Variants in MALT1 observed in about 807,000 individuals in gnomAD.
MALT1 encodes the protein mucosa-associated lymphoid tissue lymphoma translocation protein 1.
MALT1 carries 36 observed loss-of-function variants against 85.5 expected under a neutral mutation model. The ratio of observed to expected loss-of-function variants is 0.42; its 90% CI spans 0.32 to 0.56. The LOEUF is 0.56. Among genes scored for constraint, MALT1 ranks in the 20% least tolerant of loss-of-function variants. The probability of loss-of-function intolerance (pLI) is 0.10; values close to 1 mark genes in which losing one functional copy is unlikely to be tolerated. For synonymous variants in MALT1, 359 were observed against 361.3 expected (o/e 0.99, Z 0.07); for missense variants, 716 against 981.6 (o/e 0.73, Z 3.62).
chr18:58,729,479 A>C (rs1007203139), intron 10 of MALT1, among the ~76,000 whole-genome samples: 1 of 137,316 alleles, frequency 7.3e-6, no homozygotes, highest in African/African-American at 2.6e-5. Flanking sequence ...ACAAGAGTGA[A>C]ACTCCGTCTC....
chr18:58,712,696 A>G (rs1256306550), intron 7 of MALT1, among the ~76,000 whole-genome samples: 6 of 152,174 alleles, frequency 3.9e-5, no homozygotes, highest in African/African-American at 1.2e-4. Context: ...TCCCCACACA[A>G]AGAAATAAGT....
At position 58,752,255 on chromosome 18, in the gene MALT1, G is replaced by GC. The variant is rs2055456225; in HGVS notation, c.*4414dup. 1 of 152,186 alleles carries GC rather than the reference G, an allele frequency of 6.6e-6. No homozygotes were observed. The allele number at this position is 152,186 out of a possible 1,614,324, so 9.4% of individuals were successfully genotyped here. The stretch of plus-strand genomic sequence containing the variant: ...TTCAAGTGATCCTCCTGCCTCAGCA[G>GC]CATCAGTTTAATATCTAGATAAAAT... On this transcript the variant is annotated 3_prime_UTR_variant, in exon 17 of 17. Transcript: ENST00000649217.
chr18:58,725,052 C>T (rs1158903188), intron 10 of MALT1, among the ~76,000 whole-genome samples: 1 of 151,728 alleles, frequency 6.6e-6, no homozygotes, highest in East Asian at 1.9e-4. Context: ...ATGGTTTAAA[C>T]CCGGGAGGTG....
chr18:58,712,109 T>C (rs2054839233), intron 7 of MALT1, among the ~76,000 whole-genome samples: 1 of 152,200 alleles, frequency 6.6e-6, no homozygotes, highest in South Asian at 2.1e-4. Context: ...CTATAATTTT[T>C]GCAGTAGCAA....
chr18:58,710,422 A>C (rs2054816097), intron 6 of MALT1, among the ~76,000 whole-genome samples: 2 of 152,186 alleles, frequency 1.3e-5, no homozygotes, highest in Non-Finnish European at 2.9e-5. Flanking sequence ...AGTGGCTCAC[A>C]CCTGTAATCC....
chr18:58,672,131 A>C, intron 1 of MALT1: 1 of 300,640 alleles, frequency 3.3e-6, no homozygotes, highest in Non-Finnish European at 6.1e-6. Context: ...GGTGAAAGGG[A>C]GAAGTCGAGG....
intron 13 of MALT1, among the ~76,000 whole-genome samples, chr18:58,737,305 C>G (rs2055236487): frequency 6.6e-6 from 1 of 150,794 alleles, no homozygotes; most frequent in Non-Finnish European, 1.5e-5. Flanking sequence ...CATTGTCAGA[C>G]CCCCCATCTC....
Position 58,747,976 on chromosome 18 carries a change from C to T in MALT1, c.*134C>T. On this transcript the variant is annotated 3_prime_UTR_variant, in exon 17 of 17. Coordinates refer to ENST00000649217, the MANE Select transcript of MALT1 (RefSeq NM_006785.4). ...ATAGTAGTAACTGTTTCATAGCAAACTTCAGGACTTTGAGATGTTGAAATT... is the reference window on the plus strand; with the variant it reads ...ATAGTAGTAACTGTTTCATAGCAAATTTCAGGACTTTGAGATGTTGAAATT... The T allele has an allele frequency of 6.1e-6, 4 of 655,426 alleles. No individual in the cohort carries two copies. Among genetic ancestry groups the T allele is most frequent in the East Asian group, 2.6e-5 (1 of 37,896 alleles). The allele number at this position is 655,426 out of a possible 1,614,324, so 40.6% of individuals were successfully genotyped here. A position where few individuals can be genotyped will look rare whatever the true frequency, so the allele number is the denominator to read the frequency against.
intron 9 of MALT1, among the ~76,000 whole-genome samples, chr18:58,716,777 G>A (rs1407913664): frequency 6.6e-6 from 1 of 152,136 alleles, no homozygotes; most frequent in Non-Finnish European, 1.5e-5. Flanking sequence ...TGGTAGGAGG[G>A]GAAAATGTGA....
At chr18:58,745,223 C>T (rs542505919) in intron 15 of MALT1, among the ~76,000 whole-genome samples, 13 of 152,252 alleles carry the variant, frequency 8.5e-5, no homozygotes, top group Non-Finnish European at 1.2e-4. Flanking sequence ...TTACTCTTGG[C>T]CATTGGGTTG....
chr18:58,728,520 G>A (rs1278127411), intron 10 of MALT1, among the ~76,000 whole-genome samples: 1 of 152,150 alleles, frequency 6.6e-6, no homozygotes, highest in East Asian at 1.9e-4. Flanking sequence ...TGGGAGGATA[G>A]CTTGAGCCTG....
chr18:58,678,522 C>G (rs958642751), intron 1 of MALT1, among the ~76,000 whole-genome samples: 1 of 151,972 alleles, frequency 6.6e-6, no homozygotes, highest in Non-Finnish European at 1.5e-5. Context: ...AAGGAGTTTA[C>G]TATAATCTAG....
intron 4 of MALT1, among the ~76,000 whole-genome samples, chr18:58,705,069 T>C (rs753773403): frequency 6.6e-6 from 1 of 152,162 alleles, no homozygotes; most frequent in Non-Finnish European, 1.5e-5. Context: ...TAATATTCCA[T>C]TTTATCTCCT....
At position 58,747,462 on chromosome 18, in the gene MALT1, G is replaced by A. The variant is rs2055385129; in HGVS notation, c.2095G>A (p.Val699Ile). The change falls in exon 17 of 17, where the codon GTA becomes ATA. Residue 699 changes from valine to isoleucine, a missense_variant. Val to Ile is a conservative substitution (Grantham distance 29). Transcript: ENST00000649217. ...TCAGTACTCAGGATTGGAAGATACT[G>A]TAGAGGACAAGCAGGAAGTGAATGT... ...SYQYSGLEDT[V>I]EDKQEVNVGK... 2 of 1,613,964 alleles carry A rather than the reference G, an allele frequency of 1.2e-6. No homozygotes were observed. The highest frequency in any genetic ancestry group is 2.2e-5 in the East Asian group (1 of 44,884).
At chr18:58,720,736 T>C (rs1278102630) in intron 9 of MALT1, among the ~76,000 whole-genome samples, 1 of 152,232 alleles carries the variant, frequency 6.6e-6, no homozygotes, top group Non-Finnish European at 1.5e-5. Context: ...GATTTTTTTA[T>C]TATATACTTA....
intron 4 of MALT1, among the ~76,000 whole-genome samples, chr18:58,701,474 TG>T (rs764339047): frequency 2.3e-4 from 35 of 152,212 alleles, no homozygotes; most frequent in Non-Finnish European, 4.4e-4. Context: ...GCATTGATTT[TG>T]AAATTATTTG....
At chr18:58,713,148 A>G (rs370957530) in intron 7 of MALT1, among the ~76,000 whole-genome samples, 8 of 152,206 alleles carry the variant, frequency 5.3e-5, no homozygotes, top group African/African-American at 7.2e-5. Flanking sequence ...ACCTTCTTCA[A>G]TTGATTTTAT....
At chr18:58,730,506 ATAT>A (rs976207057) in intron 10 of MALT1, among the ~76,000 whole-genome samples, 5 of 152,156 alleles carry the variant, frequency 3.3e-5, no homozygotes, top group African/African-American at 1.2e-4. Flanking sequence ...GGGCTAGATA[ATAT>A]TCTATTATAT....
chr18:58,708,626 G>A (rs4940743), intron 4 of MALT1, among the ~76,000 whole-genome samples: 36,664 of 152,102 alleles, frequency 0.24, 4,520 homozygotes, highest in Middle Eastern at 0.33. Context: ...GCCCCGGTAA[G>A]GTGTCCATGT....
Sources: allele counts gnomAD v4.1 joint callset (sites outside exome capture counted in the v4.1 genomes callset), GRCh38; gene constraint gnomAD v4.1.1; transcripts MANE v1.5; gene names NCBI Gene and HGNC (gene_info 2026-07-23, HGNC 2026-07-21).